The following MAMDC2 variants were observed in gnomAD, a reference collection of about 807,000 sequenced individuals.
MAMDC2 encodes MAM domain-containing protein 2.
In MAMDC2, 57 loss-of-function variants were observed where a neutral mutation model predicts 89.8. The ratio of observed to expected loss-of-function variants is 0.63; its 90% confidence interval spans 0.51 to 0.79. MAMDC2 has a LOEUF of 0.79. MAMDC2 is among the 30% of genes least tolerant of loss of function. MAMDC2 has a pLI of 0.00. For synonymous variants in MAMDC2, 313 were observed against 293.4 expected (o/e 1.07, Z -0.68); for missense variants, 800 against 820.6 (o/e 0.97, Z 0.31).
At chr9:70,075,271 C>T (rs1587447289) in intron 2 of MAMDC2, among the ~76,000 whole-genome samples, 1 of 152,322 alleles carries the variant, frequency 6.6e-6, no homozygotes, top group East Asian at 1.9e-4. Context: ...ACAGCACCAC[C>T]TTTGCAGCTC....
At chr9:70,081,110 G>A (rs1216807290) in intron 2 of MAMDC2, among the ~76,000 whole-genome samples, 5 of 152,162 alleles carry the variant, frequency 3.3e-5, no homozygotes, top group African/African-American at 1.2e-4. Flanking sequence ...TGGCTGAAGA[G>A]AGACTGTCAG....
At chr9:70,085,803 A>G (rs1192807114) in intron 2 of MAMDC2, 4 of 152,146 alleles carry the variant, frequency 2.6e-5, no homozygotes, top group African/African-American at 9.7e-5. Flanking sequence ...AACATGAGAA[A>G]TTACACCTCA....
intron 2 of MAMDC2, among the ~76,000 whole-genome samples, chr9:70,049,519 C>T (rs1477243172): frequency 1.3e-5 from 2 of 152,134 alleles, no homozygotes; most frequent in African/African-American, 4.8e-5. Context: ...TTTTGGAGGG[C>T]TGATTCAGCA....
At chr9:70,055,499 A>C (rs1827007444) in intron 2 of MAMDC2, among the ~76,000 whole-genome samples, 1 of 152,150 alleles carries the variant, frequency 6.6e-6, no homozygotes, top group Non-Finnish European at 1.5e-5. Flanking sequence ...AGAGGTCAAC[A>C]CCAAGGAAGT....
chr9:70,044,019 C>T lies in MAMDC2; in HGVS notation c.-179C>T, dbSNP rs1474064937. On this transcript the variant is annotated 5_prime_UTR_variant, in exon 1 of 14. Transcript: ENST00000377182. ...TTCGAGCACCTTCCAGCATACCGCTCGGCTCCGGGAGCCGCTCTGCAAAGT... is the reference window on the plus strand; with the variant it reads ...TTCGAGCACCTTCCAGCATACCGCTTGGCTCCGGGAGCCGCTCTGCAAAGT... 2.9e-6 allele frequency: 2 copies of T among 681,962 alleles called. No homozygotes were observed. The highest frequency in any genetic ancestry group is 1.8e-5 in the African/African-American group (1 of 55,620). The allele number at this position is 681,962 out of a possible 1,614,324, so 42.2% of individuals were successfully genotyped here.
At chr9:70,158,200 C>G (rs955452048) in intron 9 of MAMDC2, among the ~76,000 whole-genome samples, 2 of 152,112 alleles carry the variant, frequency 1.3e-5, no homozygotes, top group African/African-American at 4.8e-5. Flanking sequence ...AGCGATCCAC[C>G]CATGTATGAC....
intron 11 of MAMDC2, chr9:70,171,201 C>T (rs189032860): frequency 1.3e-5 from 2 of 152,720 alleles, no homozygotes; most frequent in Admixed American, 1.3e-4. Flanking sequence ...TTGTCAGGGA[C>T]AAAATATGTC....
intron 11 of MAMDC2, among the ~76,000 whole-genome samples, chr9:70,204,719 G>A (rs1461987459): frequency 1.3e-5 from 2 of 151,818 alleles, no homozygotes; most frequent in African/African-American, 4.8e-5. Flanking sequence ...TTCCGTGGGC[G>A]TAGGACCCTC....
chr9:70,178,824 T>A (rs2032569379), intron 11 of MAMDC2, among the ~76,000 whole-genome samples: 1 of 152,168 alleles, frequency 6.6e-6, no homozygotes, highest in Non-Finnish European at 1.5e-5. Context: ...CTTGTGGGTA[T>A]CTGAGTGTGA....
At chr9:70,099,535 C>G (rs2118212907) in intron 2 of MAMDC2, among the ~76,000 whole-genome samples, 1 of 152,212 alleles carries the variant, frequency 6.6e-6, no homozygotes, top group South Asian at 2.1e-4. Flanking sequence ...ATTGTCCAGG[C>G]TGCTTTGATT....
chr9:70,044,057 A>G lies in MAMDC2; in HGVS notation c.-141A>G. 1 of 980,404 alleles carries G rather than the reference A, an allele frequency of 1.0e-6. No individual in the cohort carries two copies. Among genetic ancestry groups the G allele is most frequent in the Non-Finnish European group, 1.5e-6 (1 of 645,732 alleles). 60.7% of individuals were successfully genotyped at this position (980,404 alleles called of 1,614,324 possible). ...CGCTCTGCAAAGTTGGGCAGCTCAG[A>G]GCGCAAGCTTTGCCTCTCGACTTCT... is the stretch of plus-strand genomic sequence containing the variant. On this transcript the variant is annotated 5_prime_UTR_variant, in exon 1 of 14. Coordinates refer to ENST00000377182, the MANE Select transcript of MAMDC2 (RefSeq NM_153267.5).
At chr9:70,083,545 T>C (rs1827701495) in intron 2 of MAMDC2, 1 of 152,066 alleles carries the variant, frequency 6.6e-6, no homozygotes, top group Non-Finnish European at 1.5e-5. Flanking sequence ...ATAAAAGCAA[T>C]AAGTCACATG....
intron 11 of MAMDC2, among the ~76,000 whole-genome samples, chr9:70,180,859 C>A (rs929928149): frequency 6.6e-6 from 1 of 152,114 alleles, no homozygotes. Flanking sequence ...TTAGTTTAAT[C>A]AGATCACATT....
chr9:70,194,763 T>A (rs1023939189), intron 11 of MAMDC2, among the ~76,000 whole-genome samples: 12 of 152,264 alleles, frequency 7.9e-5, no homozygotes, highest in Middle Eastern at 6.8e-3. Flanking sequence ...CAAATTCTGA[T>A]GTTTATCTCT....
intron 11 of MAMDC2, among the ~76,000 whole-genome samples, chr9:70,212,096 G>A (rs1418155009): frequency 1.3e-5 from 2 of 152,256 alleles, no homozygotes; most frequent in Admixed American, 1.3e-4. Context: ...TGAGGAGGCA[G>A]TCTGTCTGTT....
chr9:70,104,515 A>G (rs1189118630), intron 2 of MAMDC2, among the ~76,000 whole-genome samples: 1 of 152,216 alleles, frequency 6.6e-6, no homozygotes, highest in Admixed American at 6.5e-5. Flanking sequence ...AGGATTATTC[A>G]TAATAGTCAA....
intron 6 of MAMDC2, among the ~76,000 whole-genome samples, chr9:70,127,123 T>C (rs1439310488): frequency 6.6e-6 from 1 of 152,230 alleles, no homozygotes; most frequent in Non-Finnish European, 1.5e-5. Flanking sequence ...AATACATGTC[T>C]GTATCTATGT....
intron 7 of MAMDC2, among the ~76,000 whole-genome samples, chr9:70,133,218 T>A (rs2118374518): frequency 6.6e-6 from 1 of 152,292 alleles, no homozygotes; most frequent in African/African-American, 2.4e-5. Context: ...AAGAGGTGTT[T>A]ATCTAATATC....
chr9:70,089,912 C>T (rs535338115), intron 2 of MAMDC2, among the ~76,000 whole-genome samples: 95 of 152,000 alleles, frequency 6.3e-4, no homozygotes, highest in Admixed American at 1.6e-3. Flanking sequence ...CCTTTTTAAC[C>T]TAAATATGTC....
Sources: allele counts gnomAD v4.1 joint callset (sites outside exome capture counted in the v4.1 genomes callset), GRCh38; gene constraint gnomAD v4.1.1; transcripts MANE v1.5; gene names NCBI Gene and HGNC (gene_info 2026-07-23, HGNC 2026-07-21).